Variants in TMEM63C observed in about 807,000 individuals in gnomAD.
TMEM63C encodes the protein transmembrane protein 63C, also known as osmosensitive cation channel TMEM63C.
A neutral mutation model predicts 99.2 loss-of-function variants in TMEM63C; 32 were observed. The observed-to-expected ratio is 0.32, with a 90% confidence interval of 0.24 to 0.43. The LOEUF is 0.43. Ranked by LOEUF, TMEM63C falls within the 20% of genes least tolerant of loss-of-function variation. The pLI is 1.00. For synonymous variants in TMEM63C, 376 were observed against 397.9 expected (o/e 0.94, Z 0.66); for missense variants, 826 against 1,053.0 (o/e 0.78, Z 2.98).
At chr14:77,238,621 C>T in intron 9 of TMEM63C, 73 bp from the exon 10 acceptor site, 6 of 1,279,862 alleles carry the variant, frequency 4.7e-6, no homozygotes, top group Non-Finnish European at 5.6e-6. Context: ...CTCTGAGCCA[C>T]CAAAAGACTG....
chr14:77,248,903 T>C, intron 20 of TMEM63C, 31 bp downstream of exon 20: 1 of 1,562,256 alleles, frequency 6.4e-7, no homozygotes, highest in Non-Finnish European at 8.8e-7. Context: ...GCCCAAGGGC[T>C]GCACATCCGC....
chr14:77,242,782 G>C lies in TMEM63C; in HGVS notation c.1188-121G>C, dbSNP rs1416934690. 3.3e-6 allele frequency: 4 copies of C among 1,205,084 alleles called. No homozygotes were observed. The Admixed American group carries it at 7.3e-5, about 22-fold the overall frequency. 74.6% of individuals were successfully genotyped at this position (1,205,084 alleles called of 1,614,324 possible). ...CCAGGGTCCTGTTGCATGCAAGTCT[G>C]GGCCCAGGAGGCTGGATTAGACCAG... On this transcript the variant is annotated intron_variant, in intron 14 of 23. Transcript: ENST00000298351.
At chr14:77,247,973 T>C (rs1389390863) in intron 18 of TMEM63C, among the ~76,000 whole-genome samples, 1 of 152,196 alleles carries the variant, frequency 6.6e-6, no homozygotes, top group African/African-American at 2.4e-5. Context: ...ATAAAGATGT[T>C]ATTTTTTCCC....
In TMEM63C at chr14:77,239,385, A is replaced by T. The variant is rs118083040; in HGVS notation, c.726-27A>T. On this transcript the variant is annotated intron_variant, in intron 10 of 23. Transcript: ENST00000298351. The stretch of plus-strand genomic sequence containing the variant: ...AGCACATCCCCAACCCCACAGGCCG[A>T]CTCAGCACCCATGTTTGTGGCTGCA... 4.7e-3 allele frequency: 7,644 copies of T among 1,612,820 alleles called. 367 individuals carry two copies. In the East Asian group the frequency reaches 0.12, roughly 26 times the overall value.
At chr14:77,195,829 G>A (rs1436638546) in intron 1 of TMEM63C, among the ~76,000 whole-genome samples, 1 of 152,216 alleles carries the variant, frequency 6.6e-6, no homozygotes, top group African/African-American at 2.4e-5. Flanking sequence ...CCTACCTCAG[G>A]GGTGGGCACT....
intron 1 of TMEM63C, among the ~76,000 whole-genome samples, chr14:77,193,532 C>T (rs1888145020): frequency 6.6e-6 from 1 of 151,626 alleles, no homozygotes; most frequent in South Asian, 2.1e-4. Context: ...TTCATCTCTA[C>T]AAAAATTAAA....
In TMEM63C at chr14:77,256,715, C is replaced by G; in HGVS notation, c.2410C>G (p.Gln804Glu). 7 of 1,613,830 alleles carry G rather than the reference C, an allele frequency of 4.3e-6. No homozygotes were observed. The highest frequency in any genetic ancestry group is 5.9e-6 in the Non-Finnish European group (7 of 1,179,798). ...AGGGCTGGAACTGGAGGGCCAGAAC[C>G]AGTACCACTGACCGGGACCTGAGGC... is the stretch of plus-strand genomic sequence containing the variant. ...QEGLELEGQN[Q>E]YH Residue 804 changes from glutamine (Q) to glutamate (E), a missense_variant, in exon 24 of 24, where the codon CAG (glutamine) becomes GAG (glutamate). Physicochemically the swap from Gln to Glu is conservative, Grantham distance 29. Transcript: ENST00000298351.
In TMEM63C at chr14:77,238,780, G is replaced by A. The variant is rs1329640969; in HGVS notation, c.725+13G>A. 1.9e-6 allele frequency: 3 copies of A among 1,611,678 alleles called. No homozygotes were observed. Among genetic ancestry groups the A allele is most frequent in the Non-Finnish European group, 2.5e-6 (3 of 1,177,962 alleles). On this transcript the variant is annotated intron_variant, in intron 10 of 23. Transcript: ENST00000298351. ...TTAAGCATTTTCAGTAAGTGGGTTG[G>A]GGTAGGCCAAGGCGTGGATTGCTTC...
At chr14:77,216,596 C>A (rs1316864152) in intron 2 of TMEM63C, among the ~76,000 whole-genome samples, 2 of 152,168 alleles carry the variant, frequency 1.3e-5, no homozygotes, top group African/African-American at 4.8e-5. Flanking sequence ...GCACTTTCTG[C>A]CTCTCCCATT....
Position 77,218,865 on chromosome 14 carries a change from A to T in TMEM63C, c.52A>T (p.Thr18Ser), listed in dbSNP as rs1431755000. ...TACAGGGGGAAGGTTACAGAACATG[A>T]CAGTGGATGAATGCTTCCAGTCTCG... ...LSTGGRLQNM[T>S]VDECFQSRNT... Residue 18 changes from threonine to serine, a missense_variant, in exon 3 of 24, where the codon ACA becomes TCA. Thr to Ser is a moderately conservative substitution (Grantham distance 58, BLOSUM62 1). Transcript: ENST00000298351. The T allele has an allele frequency of 1.2e-6, 2 of 1,613,692 alleles. No homozygotes were observed. The highest frequency in any genetic ancestry group is 2.7e-5 in the African/African-American group (2 of 75,062).
At chr14:77,236,157 C>A (rs191106762) in intron 8 of TMEM63C, among the ~76,000 whole-genome samples, 4 of 330 alleles carry the variant, frequency 0.012, 1 homozygote, top group African/African-American at 0.047. Context: ...GGGTGGGGGT[C>A]TGGGGAGACT....
intron 1 of TMEM63C, among the ~76,000 whole-genome samples, chr14:77,188,284 T>A (rs1466762178): frequency 6.6e-6 from 1 of 152,234 alleles, no homozygotes; most frequent in African/African-American, 2.4e-5. Context: ...ACTTTTCAAG[T>A]GTTCTTTGAG....
At position 77,232,875 on chromosome 14, in the gene TMEM63C, G is replaced by A. The variant is rs1365807853; in HGVS notation, c.494-577G>A. On this transcript the variant is annotated intron_variant, in intron 7 of 23. Coordinates refer to ENST00000298351, the MANE Select transcript of TMEM63C (RefSeq NM_020431.4). ...TTCTACCTGTTCATCCTTGGCCAGA[G>A]GTAGACCTTAATTAATTCAGTTTAG... 3.9e-5 allele frequency among the ~76,000 whole-genome samples: 6 copies of A among 152,220 alleles called. No individual in the cohort carries two copies. The East Asian group carries it at 5.8e-4, about 15-fold the overall frequency.
chr14:77,241,855 G>A (rs1889182170), intron 13 of TMEM63C, among the ~76,000 whole-genome samples: 1 of 152,146 alleles, frequency 6.6e-6, no homozygotes, highest in African/African-American at 2.4e-5. Flanking sequence ...AGCCAGAGGT[G>A]GGGCTCCAGC....
intron 1 of TMEM63C, among the ~76,000 whole-genome samples, chr14:77,201,993 C>T (rs1888308013): frequency 6.6e-6 from 1 of 152,198 alleles, no homozygotes; most frequent in South Asian, 2.1e-4. Context: ...CCCACCTGCT[C>T]TTGAGTCCAT....
chr14:77,228,797 A>G (rs1888882460), intron 6 of TMEM63C, among the ~76,000 whole-genome samples: 1 of 152,086 alleles, frequency 6.6e-6, no homozygotes, highest in East Asian at 1.9e-4. Context: ...TTGGCCCCCC[A>G]AAGTGCTGGG....
At position 77,256,710 on chromosome 14, in the gene TMEM63C, A is replaced by C; in HGVS notation, c.2405A>C (p.Gln802Pro). The C allele has an allele frequency of 6.2e-7, 1 of 1,613,918 alleles. No individual in the cohort carries two copies. The highest frequency in any genetic ancestry group is 1.1e-5 in the South Asian group (1 of 91,082). Residue 802 changes from glutamine to proline, a missense_variant, in exon 24 of 24, where the codon CAG becomes CCG. Transcript: ENST00000298351. ...QFQEGLELEGQNQYH is the reference protein window; with the variant it reads ...QFQEGLELEGPNQYH Reference sequence around the variant, plus strand: ...CAGGAAGGGCTGGAACTGGAGGGCCAGAACCAGTACCACTGACCGGGACCT... The same window carrying C: ...CAGGAAGGGCTGGAACTGGAGGGCCCGAACCAGTACCACTGACCGGGACCT...
intron 1 of TMEM63C, among the ~76,000 whole-genome samples, chr14:77,191,504 T>C (rs1276742497): frequency 6.6e-6 from 1 of 151,480 alleles, no homozygotes; most frequent in Non-Finnish European, 1.5e-5. Flanking sequence ...TTCTCCATTT[T>C]TTTTTTCTTT....
Position 77,256,816 on chromosome 14 carries a change from C to T in TMEM63C, c.*90C>T. The T allele has an allele frequency of 1.6e-6, 2 of 1,224,228 alleles. No individual in the cohort carries two copies. The highest frequency in any genetic ancestry group is 2.4e-5 in the East Asian group (1 of 41,476). 75.8% of individuals were successfully genotyped at this position (1,224,228 alleles called of 1,614,324 possible). A position where few individuals can be genotyped will look rare whatever the true frequency, so the allele number is the denominator to read the frequency against. On this transcript the variant is annotated 3_prime_UTR_variant, in exon 24 of 24. Transcript: ENST00000298351. ...CAGGAGGGTGGCCTGGACCTCCCCACTACCTCCTGCAGACTTTGAGAAGCC... is the reference window on the plus strand; with the variant it reads ...CAGGAGGGTGGCCTGGACCTCCCCATTACCTCCTGCAGACTTTGAGAAGCC...
Sources: allele counts gnomAD v4.1 joint callset (sites outside exome capture counted in the v4.1 genomes callset), GRCh38; gene constraint gnomAD v4.1.1; transcripts MANE v1.5; gene names NCBI Gene and HGNC (gene_info 2026-07-23, HGNC 2026-07-21).